The following BCL2 variants were observed in gnomAD, a reference collection of about 807,000 sequenced individuals.
The protein encoded by BCL2 is BCL2 apoptosis regulator.
BCL2 carries 1 observed loss-of-function variant against 14.2 expected under a neutral mutation model. The ratio of observed to expected loss-of-function variants is 0.07; its 90% CI spans 0.02 to 0.33. The LOEUF is 0.33. BCL2 is among the 10% of genes least tolerant of loss of function. The probability of loss-of-function intolerance (pLI) is 0.99; values close to 1 mark genes in which losing one functional copy is unlikely to be tolerated. For synonymous variants in BCL2, 151 were observed against 137.2 expected (o/e 1.10, Z -0.70); for missense variants, 247 against 305.9 (o/e 0.81, Z 1.44).
chr18:63,127,063 G>A lies in BCL2; in HGVS notation c.*1562C>T, dbSNP rs561700123. On this transcript the variant is annotated 3_prime_UTR_variant, in exon 3 of 3. Coordinates refer to ENST00000333681, the MANE Select transcript of BCL2 (RefSeq NM_000633.3). Reference sequence around the variant, plus strand: ...TTTTTTTAATGCCCCAGGATGTACAGATAACCCCCATATTCCACACCTGGA... The same window carrying A: ...TTTTTTTAATGCCCCAGGATGTACAAATAACCCCCATATTCCACACCTGGA... 2.1e-4 allele frequency: 47 copies of A among 227,664 alleles called. No homozygotes were observed. Among genetic ancestry groups the A allele is most frequent in the African/African-American group, 8.4e-4 (38 of 45,000 alleles). The allele number at this position is 227,664 out of a possible 1,614,324, so 14.1% of individuals were successfully genotyped here.
chr18:63,203,835 A>T (rs1290378649), intron 2 of BCL2, among the ~76,000 whole-genome samples: 1 of 152,236 alleles, frequency 6.6e-6, no homozygotes, highest in East Asian at 1.9e-4. Context: ...TAACAGACAT[A>T]CTTGTATTTC....
intron 2 of BCL2, among the ~76,000 whole-genome samples, chr18:63,154,761 C>T (rs1288860905): frequency 1.3e-5 from 2 of 152,202 alleles, no homozygotes; most frequent in Non-Finnish European, 2.9e-5. Flanking sequence ...TCTCTCTCCT[C>T]CTTGGGGGCA....
chr18:63,282,466 C>T (rs1458148634), intron 2 of BCL2, among the ~76,000 whole-genome samples: 1 of 152,166 alleles, frequency 6.6e-6, no homozygotes, highest in Non-Finnish European at 1.5e-5. Context: ...CAGTTTAACC[C>T]ATGGTTTAAG....
At chr18:63,150,025 C>G (rs1315342086) in intron 2 of BCL2, among the ~76,000 whole-genome samples, 1 of 152,130 alleles carries the variant, frequency 6.6e-6, no homozygotes, top group South Asian at 2.1e-4. Flanking sequence ...GGATTACAGG[C>G]ACCCACCGCC....
intron 2 of BCL2, among the ~76,000 whole-genome samples, chr18:63,152,671 A>T (rs1263165685): frequency 1.3e-5 from 2 of 152,216 alleles, no homozygotes; most frequent in Admixed American, 1.3e-4. Flanking sequence ...AAGTATTCCC[A>T]GGAGGCAAAA....
At chr18:63,292,155 T>C (rs1382942508) in intron 2 of BCL2, among the ~76,000 whole-genome samples, 1 of 151,430 alleles carries the variant, frequency 6.6e-6, no homozygotes, top group Admixed American at 6.6e-5. Context: ...TACAAAATAG[T>C]TCACTGGTTT....
At chr18:63,270,290 A>G (rs1340399052) in intron 2 of BCL2, among the ~76,000 whole-genome samples, 3 of 152,182 alleles carry the variant, frequency 2.0e-5, no homozygotes, top group Admixed American at 6.5e-5. Context: ...AGAGCTATTC[A>G]CTGAATCACT....
At chr18:63,256,160 T>A (rs982476102) in intron 2 of BCL2, among the ~76,000 whole-genome samples, 3 of 152,200 alleles carry the variant, frequency 2.0e-5, no homozygotes, top group African/African-American at 7.2e-5. Context: ...TGCTTAAGTT[T>A]TACTAGTTAT....
intron 2 of BCL2, among the ~76,000 whole-genome samples, chr18:63,239,081 A>G (rs149191145): frequency 8.3e-4 from 126 of 152,338 alleles, no homozygotes; most frequent in African/African-American, 2.9e-3. Context: ...TGGGGGTCCA[A>G]TATTATGTTC....
chr18:63,263,462 G>C (rs1911720844), intron 2 of BCL2, among the ~76,000 whole-genome samples: 1 of 152,196 alleles, frequency 6.6e-6, no homozygotes, highest in South Asian at 2.1e-4. Context: ...GAGGGAGCAG[G>C]AGGGCTGATG....
intron 2 of BCL2, among the ~76,000 whole-genome samples, chr18:63,207,360 T>C (rs1456359739): frequency 6.6e-6 from 1 of 152,230 alleles, no homozygotes; most frequent in African/African-American, 2.4e-5. Context: ...CATAAGTGTT[T>C]GTTGAAGGAA....
chr18:63,191,258 G>C (rs1358174968), intron 2 of BCL2, among the ~76,000 whole-genome samples: 2 of 152,182 alleles, frequency 1.3e-5, no homozygotes, highest in African/African-American at 4.8e-5. Context: ...TCTGGTTCTA[G>C]ATCCTTGAGG....
intron 2 of BCL2, among the ~76,000 whole-genome samples, chr18:63,267,980 C>T (rs1054052138): frequency 2.6e-5 from 4 of 152,134 alleles, no homozygotes; most frequent in African/African-American, 9.7e-5. Context: ...GTGAAGTAAC[C>T]CATCTCTGAT....
At position 63,241,611 on chromosome 18, in the gene BCL2, A is replaced by AATTTTACT. The variant is rs1379172452; in HGVS notation, c.585+76463_585+76470dup. Among the ~76,000 whole-genome samples the AATTTTACT allele has an allele frequency of 2.6e-5, 4 of 152,314 alleles. No homozygotes were observed. The East Asian group carries it at 5.8e-4, about 22-fold the overall frequency. ...CTGTCCAGCAGATCATCTGGTCTCT[A>AATTTTACT]ATTTTACTGCTAAAATCCTTCCCGA... On this transcript the variant is annotated intron_variant, in intron 2 of 2. Transcript: ENST00000333681.
intron 2 of BCL2, among the ~76,000 whole-genome samples, chr18:63,287,542 G>A (rs1912510640): frequency 1.3e-5 from 2 of 152,088 alleles, no homozygotes; most frequent in African/African-American, 4.8e-5. Context: ...AATATGTTTG[G>A]GGGGTGACTG....
intron 2 of BCL2, among the ~76,000 whole-genome samples, chr18:63,170,432 T>G (rs1286231212): frequency 1.3e-5 from 2 of 152,194 alleles, no homozygotes; most frequent in Non-Finnish European, 2.9e-5. Flanking sequence ...GGCCCCACTT[T>G]TGCTTGGAAC....
At chr18:63,206,117 C>T (rs1344693515) in intron 2 of BCL2, among the ~76,000 whole-genome samples, 1 of 152,092 alleles carries the variant, frequency 6.6e-6, no homozygotes, top group Non-Finnish European at 1.5e-5. Flanking sequence ...GGTCTGGGCC[C>T]CCTTCACGGT....
chr18:63,256,464 G>A (rs555295495), intron 2 of BCL2, among the ~76,000 whole-genome samples: 1 of 152,278 alleles, frequency 6.6e-6, no homozygotes, highest in African/African-American at 2.4e-5. Flanking sequence ...TGATCTGCCC[G>A]CCTTGACCTC....
intron 2 of BCL2, chr18:63,314,922 T>G (rs1913449768): frequency 6.6e-6 from 1 of 152,200 alleles, no homozygotes; most frequent in Non-Finnish European, 1.5e-5. Flanking sequence ...CTATCTCTCC[T>G]TCATCCAATT....
Sources: allele counts gnomAD v4.1 joint callset (sites outside exome capture counted in the v4.1 genomes callset), GRCh38; gene constraint gnomAD v4.1.1; transcripts MANE v1.5; gene names NCBI Gene and HGNC (gene_info 2026-07-23, HGNC 2026-07-21).